CAND1: variants seen among roughly 807,000 people sequenced by gnomAD.
CAND1 encodes the protein cullin associated and neddylation dissociated 1, also known as cullin-associated NEDD8-dissociated protein 1.
Under a neutral mutation model 108.5 loss-of-function variants are expected in CAND1, and 7 were observed. The ratio of observed to expected loss-of-function variants is 0.06; its 90% CI spans 0.04 to 0.12. CAND1 has a LOEUF of 0.12. Among genes scored for constraint, CAND1 ranks in the 10% least tolerant of loss-of-function variants. The pLI is 1.00. For synonymous variants in CAND1, 534 were observed against 512.0 expected (o/e 1.04, Z -0.58); for missense variants, 941 against 1,448.7 (o/e 0.65, Z 5.69).
intron 1 of CAND1, chr12:67,270,131 A>G: frequency 8.2e-6 from 2 of 242,744 alleles, no homozygotes; most frequent in Admixed American, 5.9e-5. Flanking sequence ...TGGAGAAGGG[A>G]GTTGCTCTAG....
rs1297795636 is a variant in CAND1, at chr12:67,317,723, T to TA, written c.*4894dup. 3.3e-5 allele frequency: 5 copies of TA among 152,586 alleles called. No homozygotes were observed. In the East Asian group the frequency reaches 9.6e-4, roughly 29 times the overall value. The allele number at this position is 152,586 out of a possible 1,614,324, so 9.5% of individuals were successfully genotyped here. ...GTTTCAAACTCCTGATCTTAGGTGA[T>TA]ACACCCGCCTCGGCCTCCCAAAGTG... On this transcript the variant is annotated 3_prime_UTR_variant, in exon 15 of 15. Transcript: ENST00000545606.
chr12:67,302,857 C>G (rs1004120089), intron 8 of CAND1, among the ~76,000 whole-genome samples: 3 of 152,092 alleles, frequency 2.0e-5, no homozygotes, highest in African/African-American at 4.8e-5. Flanking sequence ...TAGTCTTTAT[C>G]TTTGATGTTA....
chr12:67,286,636 T>G (rs1398079386), intron 2 of CAND1, among the ~76,000 whole-genome samples: 1 of 152,032 alleles, frequency 6.6e-6, no homozygotes, highest in African/African-American at 2.4e-5. Context: ...GCTTAAGTTT[T>G]TAATTTTGGT....
chr12:67,298,619 A>G (rs1212371702), intron 6 of CAND1, among the ~76,000 whole-genome samples: 1 of 152,148 alleles, frequency 6.6e-6, no homozygotes, highest in African/African-American at 2.4e-5. Flanking sequence ...AAATAATCCT[A>G]GTTACTGAAG....
At chr12:67,281,824 G>A (rs1032555685) in intron 1 of CAND1, 86 bp from the exon 2 acceptor site, 1 of 773,918 alleles carries the variant, frequency 1.3e-6, no homozygotes, top group South Asian at 2.2e-5. Context: ...TTGAGTGAAT[G>A]GTATAGCAGT....
At chr12:67,275,929 T>C (rs964223127) in intron 1 of CAND1, among the ~76,000 whole-genome samples, 1 of 152,178 alleles carries the variant, frequency 6.6e-6, no homozygotes, top group African/African-American at 2.4e-5. Context: ...AACGTAAACA[T>C]TTATCTTTTT....
At chr12:67,281,687 C>T (rs1213150049) in intron 1 of CAND1, among the ~76,000 whole-genome samples, 8 of 152,090 alleles carry the variant, frequency 5.3e-5, no homozygotes, top group African/African-American at 1.7e-4. Flanking sequence ...CTTAAAAAGT[C>T]TCACCGTCTC....
chr12:67,269,850 G>T, intron 1 of CAND1, 65 bp downstream of exon 1: 5 of 1,407,234 alleles, frequency 3.6e-6, no homozygotes, highest in Non-Finnish European at 4.9e-6. Context: ...TGGCCGTCAC[G>T]CAGGCCTTGC....
At chr12:67,293,833 G>C (rs927732817) in intron 3 of CAND1, among the ~76,000 whole-genome samples, 10 of 152,144 alleles carry the variant, frequency 6.6e-5, no homozygotes, top group Non-Finnish European at 1.3e-4. Flanking sequence ...ATCATTCACT[G>C]TGCTAGTTTT....
intron 1 of CAND1, among the ~76,000 whole-genome samples, chr12:67,275,819 G>C (rs551479364): frequency 6.4e-4 from 98 of 152,304 alleles, no homozygotes; most frequent in South Asian, 1.9e-3. Context: ...TTGCAGAGTA[G>C]AGTTCCTTAT....
In CAND1 at chr12:67,312,623, A is replaced by G. The variant is rs751143822; in HGVS notation, c.3486A>G (p.Val1162=). 33 of 1,608,864 alleles carry G rather than the reference A, an allele frequency of 2.1e-5. No individual in the cohort carries two copies. Among genetic ancestry groups the G allele is most frequent in the Non-Finnish European group, 2.7e-5 (32 of 1,177,564 alleles). ...TCTTKVKANS[V]KQEFEKQDEL... is the part of the protein sequence containing the mutation. ...TCTTACAGGTAAAGGCAAACTCAGT[A>G]AAGCAGGAGTTTGAAAAACAAGATG... is the stretch of plus-strand genomic sequence containing the variant. The change falls in exon 15 of 15, where the codon GTA becomes GTG. Residue 1162 remains valine, a synonymous_variant. Coordinates refer to ENST00000545606, the MANE Select transcript of CAND1 (RefSeq NM_018448.5).
chr12:67,287,107 T>C (rs2136000012), intron 2 of CAND1, among the ~76,000 whole-genome samples: 1 of 152,336 alleles, frequency 6.6e-6, no homozygotes, highest in African/African-American at 2.4e-5. Context: ...TAATTCTTTT[T>C]GTTGTTGGGA....
In CAND1 at chr12:67,314,271, G is replaced by C. The variant is rs948624224; in HGVS notation, c.*1441G>C. On this transcript the variant is annotated 3_prime_UTR_variant, in exon 15 of 15. Coordinates refer to ENST00000545606, the MANE Select transcript of CAND1 (RefSeq NM_018448.5). Reference sequence around the variant, plus strand: ...ACTGTGAATTAGAAACACTTTTCCTGCTGTATTACTACCTGCTTTAACATC... The same window carrying C: ...ACTGTGAATTAGAAACACTTTTCCTCCTGTATTACTACCTGCTTTAACATC... The C allele has an allele frequency of 6.6e-6, 1 of 152,130 alleles. No homozygotes were observed. Among genetic ancestry groups the C allele is most frequent in the Non-Finnish European group, 1.5e-5 (1 of 68,004 alleles). 9.4% of individuals were successfully genotyped at this position (152,130 alleles called of 1,614,324 possible).
intron 7 of CAND1, among the ~76,000 whole-genome samples, chr12:67,300,099 A>G (rs952972142): frequency 6.6e-6 from 1 of 152,072 alleles, no homozygotes; most frequent in Non-Finnish European, 1.5e-5. Context: ...TGAGATTGCA[A>G]ATGTTTGACT....
At chr12:67,273,174 A>G (rs898095907) in intron 1 of CAND1, among the ~76,000 whole-genome samples, 1 of 152,242 alleles carries the variant, frequency 6.6e-6, no homozygotes, top group Non-Finnish European at 1.5e-5. Context: ...AAAAATGAAG[A>G]AACATTCCTT....
At chr12:67,294,694 T>G (rs1250071171) in intron 3 of CAND1, among the ~76,000 whole-genome samples, 1 of 152,220 alleles carries the variant, frequency 6.6e-6, no homozygotes, top group East Asian at 1.9e-4. Context: ...TTCTGTGTCC[T>G]TTACCCCTTC....
chr12:67,309,824 C>T (rs139509547), intron 11 of CAND1, 77 bp from the exon 12 acceptor site: 10,149 of 1,003,750 alleles, frequency 0.01, 52 homozygotes, highest in Middle Eastern at 0.017. Context: ...TAAATTATAT[C>T]AACTTAGAGA....
chr12:67,283,706 A>G (rs2044641819), intron 2 of CAND1, among the ~76,000 whole-genome samples: 1 of 152,166 alleles, frequency 6.6e-6, no homozygotes, highest in South Asian at 2.1e-4. Context: ...TGTTCAAAAT[A>G]TATCCTGAAT....
intron 8 of CAND1, among the ~76,000 whole-genome samples, chr12:67,303,580 A>G (rs2044847389): frequency 6.6e-6 from 1 of 152,128 alleles, no homozygotes; most frequent in South Asian, 2.1e-4. Flanking sequence ...TCATTGTGTA[A>G]TTAGGGTATG....
Sources: gnomAD v4.1 joint callset for allele counts (sites outside exome capture counted in the v4.1 genomes callset) on GRCh38, gnomAD v4.1.1 for gene constraint, MANE v1.5 for transcripts, NCBI Gene and HGNC (gene_info 2026-07-23, HGNC 2026-07-21) for gene names.